Variants in LRRC4C observed in about 807,000 individuals in gnomAD.
The protein encoded by LRRC4C is leucine rich repeat containing 4C.
In LRRC4C, 5 loss-of-function variants were observed where a neutral mutation model predicts 33.6. The observed-to-expected ratio is 0.15, with a 90% CI of 0.08 to 0.31. The LOEUF is 0.31. Ranked by LOEUF, LRRC4C falls within the 10% of genes least tolerant of loss-of-function variation. The pLI, the probability that LRRC4C is intolerant of heterozygous loss-of-function variation, is 1.00. For synonymous variants in LRRC4C, 329 were observed against 302.0 expected, an observed-to-expected ratio of 1.09 and a Z score of -0.93; for missense variants, 560 against 796.7, an observed-to-expected ratio of 0.70 and a Z score of 3.58.
intron 1 of LRRC4C, among the ~76,000 whole-genome samples, chr11:41,089,143 A>G (rs1173010059): frequency 6.6e-6 from 1 of 152,028 alleles, no homozygotes; most frequent in Non-Finnish European, 1.5e-5. Context: ...GAACTATTGC[A>G]TCCCAGCTCC....
chr11:40,731,856 T>G (rs1199460987), intron 2 of LRRC4C, among the ~76,000 whole-genome samples: 29 of 152,176 alleles, frequency 1.9e-4, no homozygotes. Flanking sequence ...AAAGGTGCTT[T>G]GTTACTCTAT....
chr11:41,306,170 G>T (rs1324302695), intron 1 of LRRC4C, among the ~76,000 whole-genome samples: 3 of 152,082 alleles, frequency 2.0e-5, no homozygotes, highest in African/African-American at 7.2e-5. Context: ...AAGACATCCT[G>T]ATCCTTCAAG....
At chr11:40,156,402 C>T (rs979670759) in intron 5 of LRRC4C, among the ~76,000 whole-genome samples, 5 of 152,122 alleles carry the variant, frequency 3.3e-5, no homozygotes, top group African/African-American at 1.2e-4. Flanking sequence ...AAGAAGAAGT[C>T]AAACTGTCAC....
intron 3 of LRRC4C, among the ~76,000 whole-genome samples, chr11:40,417,445 C>T (rs1233806302): frequency 6.6e-6 from 1 of 152,006 alleles, no homozygotes; most frequent in Non-Finnish European, 1.5e-5. Flanking sequence ...GATTCTCCTG[C>T]CTCAGCCTCC....
At chr11:40,595,179 T>C (rs1257774082) in intron 3 of LRRC4C, among the ~76,000 whole-genome samples, 2 of 152,074 alleles carry the variant, frequency 1.3e-5, no homozygotes, top group African/African-American at 4.8e-5. Context: ...GAAGGAGACG[T>C]ATTTATTAAG....
At chr11:40,462,673 C>A (rs1952456667) in intron 3 of LRRC4C, among the ~76,000 whole-genome samples, 1 of 151,894 alleles carries the variant, frequency 6.6e-6, no homozygotes, top group African/African-American at 2.4e-5. Context: ...AGTTAGGAGG[C>A]TTTATTTTAC....
At chr11:40,128,809 T>C (rs1048066078) in intron 6 of LRRC4C, among the ~76,000 whole-genome samples, 4 of 152,192 alleles carry the variant, frequency 2.6e-5, no homozygotes, top group African/African-American at 9.7e-5. Context: ...CGTGGTTGGT[T>C]TTCCTTTTAA....
chr11:40,390,250 G>A (rs994205472), intron 3 of LRRC4C, among the ~76,000 whole-genome samples: 4 of 152,104 alleles, frequency 2.6e-5, no homozygotes, highest in Non-Finnish European at 5.9e-5. Flanking sequence ...TTAGCTGTAC[G>A]AGACAGTTAA....
rs527354447 is a variant in LRRC4C at position 41,355,388 on chromosome 11, G to A, written c.-496+104043C>T. ...GTGAAACAAACCTAAAAAATGTGAG[G>A]ACATGGATAAGTGTGTCGCTATGCA... On this transcript the variant is annotated intron_variant, in intron 1 of 6. Transcript: ENST00000528697. Among the ~76,000 whole-genome samples, 5 of 152,152 alleles carry A rather than the reference G, an allele frequency of 3.3e-5. No individual in the cohort carries two copies. In the South Asian group the frequency reaches 1.0e-3, roughly 32 times the overall value.
intron 3 of LRRC4C, among the ~76,000 whole-genome samples, chr11:40,398,061 C>A (rs765059337): frequency 6.6e-6 from 1 of 151,754 alleles, no homozygotes; most frequent in Non-Finnish European, 1.5e-5. Context: ...TTTGAACTTA[C>A]AAAAAGGTGG....
chr11:40,467,579 G>A (rs375679326), intron 3 of LRRC4C, among the ~76,000 whole-genome samples: 2 of 152,138 alleles, frequency 1.3e-5, no homozygotes, highest in Admixed American at 1.3e-4. Flanking sequence ...TTGAGGATAT[G>A]GTTTCAGTAG....
intron 1 of LRRC4C, among the ~76,000 whole-genome samples, chr11:41,173,926 A>G (rs1382099987): frequency 1.3e-5 from 2 of 152,180 alleles, no homozygotes; most frequent in African/African-American, 2.4e-5. Context: ...AAATATGTCA[A>G]CTTTAAAAGT....
chr11:40,859,100 C>T (rs933851648), intron 2 of LRRC4C, among the ~76,000 whole-genome samples: 9 of 152,062 alleles, frequency 5.9e-5, no homozygotes, highest in African/African-American at 2.2e-4. Context: ...TGATATAGAA[C>T]GTAGCAAACC....
In LRRC4C at chr11:40,555,024, G is replaced by A. The variant is rs377200429; in HGVS notation, c.-270+93118C>T. Among the ~76,000 whole-genome samples the A allele has an allele frequency of 3.9e-5, 6 of 152,080 alleles. No individual in the cohort carries two copies. The East Asian group carries it at 1.2e-3, about 29-fold the overall frequency. On this transcript the variant is annotated intron_variant, in intron 3 of 6. Coordinates refer to ENST00000528697, the MANE Select transcript of LRRC4C (RefSeq NM_001258419.2). ...GCGTGAGCCACCGCGCCCGGCCAAT[G>A]GGATTGCATTCTTGATTTGGCTATT...
At chr11:40,281,291 TC>T (rs970032136) in intron 4 of LRRC4C, among the ~76,000 whole-genome samples, 1 of 152,136 alleles carries the variant, frequency 6.6e-6, no homozygotes, top group African/African-American at 2.4e-5. Flanking sequence ...TCTAGATCCC[TC>T]CCCATAATGT....
chr11:40,519,101 G>A (rs1565467471), intron 3 of LRRC4C, among the ~76,000 whole-genome samples: 2 of 152,084 alleles, frequency 1.3e-5, no homozygotes, highest in Non-Finnish European at 2.9e-5. Flanking sequence ...GGAGTGGGGA[G>A]CTAGGGGAGG....
intron 1 of LRRC4C, among the ~76,000 whole-genome samples, chr11:41,329,191 T>C (rs1951216778): frequency 6.6e-6 from 1 of 152,216 alleles, no homozygotes; most frequent in African/African-American, 2.4e-5. Context: ...AAATTATATT[T>C]GCTGTTTTCC....
intron 1 of LRRC4C, among the ~76,000 whole-genome samples, chr11:41,173,886 T>A (rs747514936): frequency 6.6e-6 from 1 of 152,124 alleles, no homozygotes; most frequent in Non-Finnish European, 1.5e-5. Flanking sequence ...AAAATAAATA[T>A]AAGCAAATAA....
intron 6 of LRRC4C, among the ~76,000 whole-genome samples, chr11:40,124,962 A>T (rs2953312): frequency 0.96 from 145,771 of 151,410 alleles, 70,216 homozygotes; most frequent in Admixed American, 0.98. Flanking sequence ...TAAACTTTTT[A>T]AAAAAAGAAT....
Sources: gnomAD v4.1 joint callset for allele counts (sites outside exome capture counted in the v4.1 genomes callset) on GRCh38, gnomAD v4.1.1 for gene constraint, MANE v1.5 for transcripts, NCBI Gene and HGNC (gene_info 2026-07-23, HGNC 2026-07-21) for gene names.